Variants in SEC14L1 observed in about 807,000 individuals in gnomAD.
SEC14L1 encodes SEC14 like lipid binding 1.
In SEC14L1, 48 loss-of-function variants were observed where a neutral mutation model predicts 85.3. The observed-to-expected ratio is 0.56, with a 90% confidence interval of 0.45 to 0.72. The LOEUF (loss-of-function observed/expected upper bound fraction) is 0.72. Ranked by LOEUF, SEC14L1 falls within the 30% of genes least tolerant of loss-of-function variation. SEC14L1 has a pLI of 0.00. For synonymous variants in SEC14L1, 391 were observed against 355.5 expected (o/e 1.10, Z -1.12); for missense variants, 682 against 921.4 (o/e 0.74, Z 3.36).
At chr17:77,122,970 A>G (rs1972338712) in intron 3 of SEC14L1, among the ~76,000 whole-genome samples, 1 of 151,986 alleles carries the variant, frequency 6.6e-6, no homozygotes, top group Non-Finnish European at 1.5e-5. Flanking sequence ...CAGCATCCAG[A>G]CAGAGAATCA....
chr17:77,114,533 A>C (rs1972124324), intron 3 of SEC14L1, among the ~76,000 whole-genome samples: 1 of 140,130 alleles, frequency 7.1e-6, no homozygotes, highest in Admixed American at 7.2e-5. Context: ...CAAAACAAAC[A>C]AACAAAAAAG....
intron 9 of SEC14L1, among the ~76,000 whole-genome samples, chr17:77,202,147 T>A (rs1222443996): frequency 1.3e-5 from 2 of 151,972 alleles, no homozygotes; most frequent in Non-Finnish European, 2.9e-5. Flanking sequence ...ATGATAGGAG[T>A]TAGGCTCCTC....
At chr17:77,149,470 G>C (rs1468741312) in intron 3 of SEC14L1, among the ~76,000 whole-genome samples, 2 of 152,134 alleles carry the variant, frequency 1.3e-5, no homozygotes, top group Non-Finnish European at 2.9e-5. Flanking sequence ...GAGTTGGGAG[G>C]ATTTCTTGAG....
At chr17:77,210,894 G>T (rs1304457989) in intron 14 of SEC14L1, 1 of 152,220 alleles carries the variant, frequency 6.6e-6, no homozygotes, top group Non-Finnish European at 1.5e-5. Flanking sequence ...ATAAAGCACA[G>T]ATCCGAGATG....
At chr17:77,134,322 TC>T (rs199829827) in intron 3 of SEC14L1, among the ~76,000 whole-genome samples, 3,469 of 151,812 alleles carry the variant, frequency 0.023, 149 homozygotes, top group African/African-American at 0.08. Context: ...CAATCATGGC[TC>T]ACTGCAGCCT....
At chr17:77,181,910 T>TC (rs1421952863) in intron 3 of SEC14L1, among the ~76,000 whole-genome samples, 3 of 152,092 alleles carry the variant, frequency 2.0e-5, no homozygotes, top group African/African-American at 7.2e-5. Context: ...TTTCTTTCTT[T>TC]TTTTTTTTAA....
At chr17:77,133,956 A>AC (rs397934904) in intron 3 of SEC14L1, among the ~76,000 whole-genome samples, 2 of 150,114 alleles carry the variant, frequency 1.3e-5, no homozygotes, top group Non-Finnish European at 3.0e-5. Context: ...AAAAAAAAAA[A>AC]GCTCTGGAAG....
chr17:77,206,115 A>T lies in SEC14L1; in HGVS notation c.1170-114A>T, dbSNP rs1976451696. The T allele has an allele frequency of 2.9e-6, 3 of 1,034,402 alleles. No individual in the cohort carries two copies. Among genetic ancestry groups the T allele is most frequent in the African/African-American group, 3.2e-5 (2 of 62,008 alleles). 64.1% of individuals were successfully genotyped at this position (1,034,402 alleles called of 1,614,324 possible). ...ATACATAGCACTATAATTTAAAAAA[A>T]TTGATTATGATGTATTTGGAAATAG... On this transcript the variant is annotated intron_variant, in intron 11 of 16. Coordinates refer to ENST00000436233, the MANE Select transcript of SEC14L1 (RefSeq NM_001143998.2). This position sits in a 1 kb window ranked among gnomAD's most constrained non-coding sequence, Gnocchi z 4.3.
intron 3 of SEC14L1, among the ~76,000 whole-genome samples, chr17:77,165,296 G>T (rs1974235330): frequency 6.6e-6 from 1 of 152,210 alleles, no homozygotes; most frequent in South Asian, 2.1e-4. Context: ...GGACGTGCCT[G>T]TGACACAGCC....
intron 5 of SEC14L1, among the ~76,000 whole-genome samples, chr17:77,191,676 C>T (rs1463951199): frequency 2.6e-5 from 4 of 151,924 alleles, no homozygotes; most frequent in South Asian, 2.1e-4. Flanking sequence ...CCTAGTAGTT[C>T]GGATTACAGG....
Position 77,191,410 on chromosome 17 carries a change from A to C in SEC14L1, c.345+98A>C. 4 of 1,353,666 alleles carry C rather than the reference A, an allele frequency of 3.0e-6. No homozygotes were observed. In the South Asian group the frequency reaches 3.7e-5, roughly 13 times the overall value. The allele number at this position is 1,353,666 out of a possible 1,614,324, so 83.9% of individuals were successfully genotyped here. ...TAAACAGTGCATCTTTTTGTCTTAG[A>C]GGGCAGTTCTTCATTAGATGTTGTC... On this transcript the variant is annotated intron_variant, in intron 5 of 16. Transcript: ENST00000436233.
intron 2 of SEC14L1, chr17:77,089,415 C>T (rs756298349): frequency 6.7e-5 from 35 of 518,918 alleles, no homozygotes; most frequent in Non-Finnish European, 1.2e-4. Flanking sequence ...AGAAGTCTTT[C>T]CTGGGTTTTG....
At chr17:77,162,043 G>A (rs980790809) in intron 3 of SEC14L1, among the ~76,000 whole-genome samples, 9 of 151,774 alleles carry the variant, frequency 5.9e-5, no homozygotes, top group African/African-American at 1.2e-4. Flanking sequence ...TCTGCAGGTC[G>A]TCTATGAATG....
At chr17:77,187,171 GA>G (rs1433938104) in intron 3 of SEC14L1, among the ~76,000 whole-genome samples, 1 of 152,140 alleles carries the variant, frequency 6.6e-6, no homozygotes, top group Non-Finnish European at 1.5e-5. Context: ...AAAAAATTCT[GA>G]AATCAGAAGC....
chr17:77,151,608 C>T (rs1189467441), intron 3 of SEC14L1, among the ~76,000 whole-genome samples: 4 of 152,016 alleles, frequency 2.6e-5, no homozygotes, highest in Non-Finnish European at 5.9e-5. Flanking sequence ...TAAAAACAAA[C>T]AAACCCCAAA....
At chr17:77,124,982 ATTATTATTATTATTATTT>A (rs953405698) in intron 3 of SEC14L1, among the ~76,000 whole-genome samples, 36 of 59,352 alleles carry the variant, frequency 6.1e-4, no homozygotes, top group Middle Eastern at 8.8e-3. Context: ...TACTATTATT[ATTATTATTATTATTATTT>A]TTATTATTAT....
intron 3 of SEC14L1, among the ~76,000 whole-genome samples, chr17:77,188,740 T>G (rs1975387583): frequency 6.6e-6 from 1 of 152,216 alleles, no homozygotes; most frequent in Admixed American, 6.5e-5. Flanking sequence ...GGTTGCACCA[T>G]TTTACATTCC....
At chr17:77,110,909 T>TGGGGCTG (rs71363663) in intron 3 of SEC14L1, among the ~76,000 whole-genome samples, 26 of 144,464 alleles carry the variant, frequency 1.8e-4, no homozygotes, top group African/African-American at 5.9e-4. Flanking sequence ...AGAAATACAT[T>TGGGGCTG]GGGGCTGGGC....
intron 9 of SEC14L1, among the ~76,000 whole-genome samples, chr17:77,202,250 C>A (rs1001930024): frequency 6.6e-5 from 10 of 152,102 alleles, no homozygotes; most frequent in African/African-American, 2.4e-4. Flanking sequence ...TTTTGGGAGG[C>A]CAAGGCAGGA....
Sources: gnomAD v4.1 joint callset for allele counts (sites outside exome capture counted in the v4.1 genomes callset) on GRCh38, gnomAD v4.1.1 for gene constraint, Gnocchi (gnomAD v3.1) non-coding constraint, MANE v1.5 for transcripts, NCBI Gene and HGNC (gene_info 2026-07-23, HGNC 2026-07-21) for gene names.